The following SMARCA4 variants were observed in gnomAD, a reference collection of about 807,000 sequenced individuals.
The protein encoded by SMARCA4 is SWI/SNF-related matrix-associated actin-dependent regulator of chromatin subfamily A member 4.
A neutral mutation model predicts 193.9 loss-of-function variants in SMARCA4; 31 were observed. The ratio of observed to expected loss-of-function variants is 0.16; its 90% CI spans 0.12 to 0.22. The LOEUF (loss-of-function observed/expected upper bound fraction) is 0.22, where lower values mean the gene tolerates loss of function less well. SMARCA4 is among the 10% of genes least tolerant of loss of function. SMARCA4 has a pLI of 1.00. For synonymous variants in SMARCA4, 942 were observed against 933.1 expected, an observed-to-expected ratio of 1.01 and a Z score of -0.17; for missense variants, 1,148 against 2,296.0, an observed-to-expected ratio of 0.50 and a Z score of 10.22.
chr19:11,051,724 C>CA (rs962562778), intron 30 of SMARCA4, among the ~76,000 whole-genome samples: 2 of 152,048 alleles, frequency 1.3e-5, no homozygotes, highest in African/African-American at 2.4e-5. Flanking sequence ...CTCTTGACCT[C>CA]ATGATCCGCC....
intron 15 of SMARCA4, chr19:11,010,836 C>T (rs2088762149): frequency 2.3e-6 from 1 of 429,342 alleles, no homozygotes. Flanking sequence ...ACCTGAGGAG[C>T]AGAGAGGTGC....
At position 11,021,821 on chromosome 19, in the gene SMARCA4, C is replaced by T. The variant is rs1555778721; in HGVS notation, c.2713C>T (p.Arg905Cys). ...QVLNTHYVAP[R>C]RLLLTGTPLQ... ...GCTCAACACGCACTATGTGGCACCC[C>T]GCCGCCTGCTGCTGACGGGCACACC... Residue 905 changes from arginine to cysteine, a missense_variant, in exon 19 of 35, where the codon CGC becomes TGC. This residue lies in a region of SMARCA4 where 74 missense variants were observed against 392.3 expected (regional missense o/e 0.19). Transcript: ENST00000344626. The T allele has an allele frequency of 6.2e-7, 1 of 1,613,756 alleles. No homozygotes were observed. The highest frequency in any genetic ancestry group is 8.5e-7 in the Non-Finnish European group (1 of 1,180,010).
At position 11,029,151 on chromosome 19, in the gene SMARCA4, T is replaced by G. The variant is rs574474834; in HGVS notation, c.3382+1201T>G. On this transcript the variant is annotated intron_variant, in intron 24 of 34. Coordinates refer to ENST00000344626, the MANE Select transcript of SMARCA4 (RefSeq NM_003072.5). ...CTTGGGGGCTTCCCACTTTCAGCTT[T>G]GAGGCTGAAAACCAAAATCCTTCAG... Among the ~76,000 whole-genome samples the G allele has an allele frequency of 1.1e-3, 175 of 152,312 alleles. 2 individuals carry two copies. Among genetic ancestry groups the G allele is most frequent in the African/African-American group, 4.1e-3 (172 of 41,564 alleles).
At chr19:11,009,646 A>AGTAGC (rs910111174) in intron 14 of SMARCA4, among the ~76,000 whole-genome samples, 45 of 147,272 alleles carry the variant, frequency 3.1e-4, no homozygotes, top group Middle Eastern at 3.6e-3. Flanking sequence ...CAGCCTCCTG[A>AGTAGC]GTAGCTGGGG....
Position 10,996,488 on chromosome 19 carries a change from T to C in SMARCA4, c.1762-6T>C, listed in dbSNP as rs1389021122. 6.2e-7 allele frequency: 1 copy of C among 1,614,214 alleles called. No individual in the cohort carries two copies. Among genetic ancestry groups the C allele is most frequent in the Admixed American group, 1.7e-5 (1 of 60,030 alleles). ...AGGGCCTGACCGTGTCTCTCTCTAT[T>C]TCCAGAAGGCAGAAAATGCAGAAGG... On this transcript the variant is annotated splice_region_variant and splice_polypyrimidine_tract_variant and intron_variant, in intron 10 of 34. Coordinates refer to ENST00000344626, the MANE Select transcript of SMARCA4 (RefSeq NM_003072.5).
At chr19:11,018,763 A>G in intron 16 of SMARCA4, 194 bp from the exon 17 acceptor site, 1 of 692,674 alleles carries the variant, frequency 1.4e-6, no homozygotes, top group South Asian at 1.5e-5. Flanking sequence ...CTGTCCTCTG[A>G]GGCAGAGCCC....
chr19:10,996,011 G>A (rs558400636), intron 9 of SMARCA4: 23 of 660,720 alleles, frequency 3.5e-5, no homozygotes, highest in African/African-American at 3.2e-4. Context: ...TCTGCCTAGC[G>A]GGTGCCCTTG....
chr19:11,001,302 C>G (rs967393058), intron 11 of SMARCA4, among the ~76,000 whole-genome samples: 1 of 152,134 alleles, frequency 6.6e-6, no homozygotes, highest in South Asian at 2.1e-4. Flanking sequence ...GACTCTGTCT[C>G]TCCAAAAAAT....
chr19:11,028,066 C>T (rs946339471), intron 24 of SMARCA4, 116 bp downstream of exon 24: 16 of 1,148,204 alleles, frequency 1.4e-5, no homozygotes, highest in Non-Finnish European at 2.1e-5. Flanking sequence ...GCTCTGGGTC[C>T]AGTGGCCAGA....
intron 18 of SMARCA4, 59 bp from the exon 19 acceptor site, chr19:11,021,666 C>T (rs2146411607): frequency 1.3e-6 from 2 of 1,556,712 alleles, no homozygotes; most frequent in Non-Finnish European, 1.7e-6. Flanking sequence ...GGGAGATTCT[C>T]CCCATGTGCC....
rs948587958 is a variant in SMARCA4 at position 11,041,140 on chromosome 19, C to T, written c.4171-167C>T. ...TGGTCTTTCACTGCAGCCCAGGCAC[C>T]CCTTGAGAGTCCCAGTGTGTGTTAT... On this transcript the variant is annotated intron_variant, in intron 29 of 34. Coordinates refer to ENST00000344626, the MANE Select transcript of SMARCA4 (RefSeq NM_003072.5). The surrounding 1 kb of genome is among the most constrained non-coding windows in gnomAD (Gnocchi z 5.6). 2.0e-5 allele frequency: 14 copies of T among 699,150 alleles called. No homozygotes were observed. Among genetic ancestry groups the T allele is most frequent in the Non-Finnish European group, 3.2e-5 (13 of 411,344 alleles). The allele number at this position is 699,150 out of a possible 1,614,324, so 43.3% of individuals were successfully genotyped here.
intron 20 of SMARCA4, 82 bp downstream of exon 20, chr19:11,023,713 T>A: frequency 1.2e-6 from 1 of 830,090 alleles, no homozygotes; most frequent in Non-Finnish European, 2.0e-6. Flanking sequence ...TCAGGGCCTC[T>A]CCCCACAGTC....
chr19:10,989,346 A>G lies in SMARCA4; in HGVS notation c.1148A>G (p.Gln383Arg), dbSNP rs2086349929. Residue 383 changes from glutamine (Q) to arginine (R), a missense_variant, in exon 7 of 35, where the codon CAG becomes CGG. By Grantham distance (43) the Gln-to-Arg change is conservative. Around this residue, in one of 17 missense-constraint regions of SMARCA4, gnomAD observed 69 missense variants for 186.9 expected, o/e 0.37. Coordinates refer to ENST00000344626, the MANE Select transcript of SMARCA4 (RefSeq NM_003072.5). ...RLQARIAHRI[Q>R]ELENLPGSLA... Reference sequence around the variant, plus strand: ...CAGGCTCGCATCGCACACCGAATTCAGGAACTTGAAAACCTTCCCGGGTCC... The same window carrying G: ...CAGGCTCGCATCGCACACCGAATTCGGGAACTTGAAAACCTTCCCGGGTCC... 1 of 1,614,006 alleles carries G rather than the reference A, an allele frequency of 6.2e-7. No individual in the cohort carries two copies. Among genetic ancestry groups the G allele is most frequent in the African/African-American group, 1.3e-5 (1 of 74,934 alleles).
chr19:10,971,504 T>TTTC (rs200499635), intron 1 of SMARCA4, among the ~76,000 whole-genome samples: 9 of 144,928 alleles, frequency 6.2e-5, no homozygotes, highest in African/African-American at 2.2e-4. Flanking sequence ...TTTTTTTTTT[T>TTTC]TTCTCTTTGA....
At chr19:11,024,592 G>A (rs1472582192) in intron 21 of SMARCA4, among the ~76,000 whole-genome samples, 154 bp downstream of exon 21, 6 of 152,176 alleles carry the variant, frequency 3.9e-5, no homozygotes, top group Admixed American at 3.9e-4. Flanking sequence ...CTGGTGGCTT[G>A]TGTCAGGACA....
intron 1 of SMARCA4, chr19:10,965,324 A>G (rs971374284): frequency 5.9e-5 from 9 of 152,266 alleles, no homozygotes; most frequent in South Asian, 2.1e-4. Context: ...GATTGCTGCA[A>G]GAGCTGAACA....
In SMARCA4 at chr19:10,994,863, T is replaced by C; in HGVS notation, c.1455T>C (p.Asp485=). The part of the protein sequence containing the change: ...YLNSILQHAK[D]FKEYHRSVTG... ...ATAGCATTCTCCAGCATGCCAAGGA[T>C]TTCAAGGAATATCACAGATCCGTCA... Residue 485 remains aspartate, a synonymous_variant, in exon 9 of 35, where the codon GAT becomes GAC. Coordinates refer to ENST00000344626, the MANE Select transcript of SMARCA4 (RefSeq NM_003072.5). 1 of 1,614,098 alleles carries C rather than the reference T, an allele frequency of 6.2e-7. No homozygotes were observed. Among genetic ancestry groups the C allele is most frequent in the Non-Finnish European group, 8.5e-7 (1 of 1,180,020 alleles).
At chr19:11,038,235 G>T (rs2075375360) in intron 29 of SMARCA4, among the ~76,000 whole-genome samples, 1 of 152,196 alleles carries the variant, frequency 6.6e-6, no homozygotes, top group Non-Finnish European at 1.5e-5. Flanking sequence ...CTGGCTTGGG[G>T]CAGCGTCACC....
At position 10,987,301 on chromosome 19, in the gene SMARCA4, C is replaced by T. The variant is rs1354346862; in HGVS notation, c.859+298C>T. On this transcript the variant is annotated intron_variant, in intron 5 of 34. Coordinates refer to ENST00000344626, the MANE Select transcript of SMARCA4 (RefSeq NM_003072.5). This position sits in a 1 kb window ranked among gnomAD's most constrained non-coding sequence, Gnocchi z 5.3. The stretch of plus-strand genomic sequence containing the variant: ...TTGGGCTCAAAGAGGCAGTGGGACT[C>T]ATTACCCATCCTCTTGGAGCCTGAG... 6.6e-6 allele frequency among the ~76,000 whole-genome samples: 1 copy of T among 152,198 alleles called. No homozygotes were observed. Among genetic ancestry groups the T allele is most frequent in the Non-Finnish European group, 1.5e-5 (1 of 68,024 alleles).
Sources: allele counts gnomAD v4.1 joint callset (sites outside exome capture counted in the v4.1 genomes callset), GRCh38; gene constraint gnomAD v4.1.1; regional missense constraint gnomAD v4.1.1; non-coding constraint Gnocchi (gnomAD v3.1); transcripts MANE v1.5; gene names NCBI Gene and HGNC (gene_info 2026-07-23, HGNC 2026-07-21).